Variants in KIF11 observed in about 807,000 individuals in gnomAD.
KIF11 encodes kinesin-like protein KIF11.
KIF11 carries 9 observed loss-of-function variants against 121.0 expected under a neutral mutation model. That is an observed-to-expected ratio of 0.07 (90% CI 0.04 to 0.13). KIF11 has a LOEUF of 0.13. Ranked by LOEUF, KIF11 falls within the 10% of genes least tolerant of loss-of-function variation. KIF11 has a pLI of 1.00. For synonymous variants in KIF11, 408 were observed against 421.0 expected (o/e 0.97, Z 0.38); for missense variants, 846 against 1,217.5 (o/e 0.69, Z 4.54).
At position 92,593,196 on chromosome 10, in the gene KIF11, G is replaced by C. The variant is rs775983910; in HGVS notation, c.-180G>C. 2.7e-5 allele frequency: 15 copies of C among 564,654 alleles called. No homozygotes were observed. Among genetic ancestry groups the C allele is most frequent in the Non-Finnish European group, 4.8e-5 (15 of 314,898 alleles). 35.0% of individuals were successfully genotyped at this position (564,654 alleles called of 1,614,324 possible). ...CGGCTCCGACTGGCGCGGGACAAAC[G>C]CCACGGCCAGAGTACCGGGTAGAGA... On this transcript the variant is annotated 5_prime_UTR_variant, in exon 1 of 22. Coordinates refer to ENST00000260731, the MANE Select transcript of KIF11 (RefSeq NM_004523.4).
At chr10:92,594,990 G>A (rs890525159) in intron 1 of KIF11, among the ~76,000 whole-genome samples, 2 of 152,060 alleles carry the variant, frequency 1.3e-5, no homozygotes, top group African/African-American at 2.4e-5. Flanking sequence ...GGGTTGGTAA[G>A]CCTTTTCTGT....
At position 92,653,343 on chromosome 10, in the gene KIF11, G is replaced by T. The variant is rs543342000; in HGVS notation, c.3040-322G>T. Among the ~76,000 whole-genome samples the T allele has an allele frequency of 9.9e-4, 151 of 152,306 alleles. 2 individuals are homozygous for T. Among genetic ancestry groups the T allele is most frequent in the African/African-American group, 3.5e-3 (145 of 41,564 alleles). On this transcript the variant is annotated intron_variant, in intron 21 of 21. Coordinates refer to ENST00000260731, the MANE Select transcript of KIF11 (RefSeq NM_004523.4). The stretch of plus-strand genomic sequence containing the variant: ...ATTGTAACACCAAAAAAGTCTCTCA[G>T]CATTGCCAAATGTCCCCTGTGGCAG...
At chr10:92,644,596 G>A (rs1844900310) in intron 17 of KIF11, among the ~76,000 whole-genome samples, 1 of 152,158 alleles carries the variant, frequency 6.6e-6, no homozygotes, top group Non-Finnish European at 1.5e-5. Flanking sequence ...TGGGATTAGA[G>A]GTGTGAGCCA....
rs1363219962 is a variant in KIF11, at chr10:92,650,326, A to G, written c.2923-75A>G. On this transcript the variant is annotated intron_variant, in intron 20 of 21. Coordinates refer to ENST00000260731, the MANE Select transcript of KIF11 (RefSeq NM_004523.4). ...TATTATACCATGGGCATTGTGTTAT[A>G]CTCAAAGCTGCTGTTACTCTTGTGA... 3 of 821,360 alleles carry G rather than the reference A, an allele frequency of 3.7e-6. No individual in the cohort carries two copies. The African/African-American group carries it at 5.1e-5, about 14-fold the overall frequency. The allele number at this position is 821,360 out of a possible 1,614,324, so 50.9% of individuals were successfully genotyped here.
intron 12 of KIF11, among the ~76,000 whole-genome samples, chr10:92,631,607 C>T (rs1366445186): frequency 6.6e-6 from 1 of 150,978 alleles, no homozygotes; most frequent in African/African-American, 2.4e-5. Flanking sequence ...ATGATCCACC[C>T]ACCTCGGCCT....
intron 9 of KIF11, among the ~76,000 whole-genome samples, chr10:92,617,874 G>A (rs997431909): frequency 1.3e-5 from 2 of 151,942 alleles, no homozygotes; most frequent in African/African-American, 2.4e-5. Flanking sequence ...CGAGTAGCTG[G>A]GACTACAGGT....
At chr10:92,607,124 T>C (rs774978955) in intron 3 of KIF11, 35 bp from the exon 4 acceptor site, 1 of 1,302,784 alleles carries the variant, frequency 7.7e-7, no homozygotes, top group South Asian at 1.2e-5. Context: ...TGGGTGCATG[T>C]TTCTTTTTGA....
At chr10:92,611,405 G>A (rs1019032553) in intron 6 of KIF11, among the ~76,000 whole-genome samples, 1 of 151,540 alleles carries the variant, frequency 6.6e-6, no homozygotes, top group African/African-American at 2.4e-5. Flanking sequence ...GTAGAGACGG[G>A]GTTTCACTGT....
chr10:92,604,287 C>T (rs181009040), intron 1 of KIF11, among the ~76,000 whole-genome samples: 2 of 152,280 alleles, frequency 1.3e-5, no homozygotes, highest in Non-Finnish European at 2.9e-5. Context: ...AATTTCCTAT[C>T]ACTTAGTCCT....
At chr10:92,652,716 C>T (rs971149578) in intron 21 of KIF11, among the ~76,000 whole-genome samples, 1 of 152,176 alleles carries the variant, frequency 6.6e-6, no homozygotes, top group Admixed American at 6.5e-5. Context: ...TACTTAATCC[C>T]TGGTCAGAAA....
chr10:92,649,191 T>A (rs1419596517), intron 19 of KIF11, among the ~76,000 whole-genome samples: 1 of 152,128 alleles, frequency 6.6e-6, no homozygotes, highest in Non-Finnish European at 1.5e-5. Context: ...GTTTATTTAT[T>A]CCCCAAGAGA....
chr10:92,633,345 T>G (rs1206856988), intron 13 of KIF11, among the ~76,000 whole-genome samples: 2 of 152,150 alleles, frequency 1.3e-5, no homozygotes, highest in Admixed American at 6.5e-5. Context: ...TATTTTTAGT[T>G]AGAGATTAAT....
chr10:92,631,409 C>T (rs187499936), intron 12 of KIF11, among the ~76,000 whole-genome samples: 15,828 of 144,224 alleles, frequency 0.11, 1,051 homozygotes, highest in South Asian at 0.17. Flanking sequence ...GGCCGGACTG[C>T]GGACTGCAGT....
intron 9 of KIF11, among the ~76,000 whole-genome samples, chr10:92,620,113 C>T (rs1325983002): frequency 8.4e-5 from 12 of 143,218 alleles, no homozygotes; most frequent in African/African-American, 3.1e-4. Context: ...CGGAGTCTCG[C>T]TCTGTTGCCC....
rs759542620 is a variant in KIF11 at position 92,609,501 on chromosome 10, A to G, written c.690A>G (p.Ala230=). The G allele has an allele frequency of 9.3e-6, 15 of 1,611,316 alleles. No homozygotes were observed. Among genetic ancestry groups the G allele is most frequent in the Non-Finnish European group, 1.2e-5 (14 of 1,179,164 alleles). ...CAACTGCAGCTACTCTGATGAATGC[A>G]TACTCTAGGTAAGAAAGCCATAGTC... The part of the protein sequence containing the change: ...KRTTAATLMN[A]YSSRSHSVFS... The change falls in exon 6 of 22, where the codon GCA becomes GCG. Residue 230 remains alanine (A), a synonymous_variant. Transcript: ENST00000260731.
At chr10:92,617,798 G>A (rs1349944124) in intron 9 of KIF11, among the ~76,000 whole-genome samples, 1 of 150,698 alleles carries the variant, frequency 6.6e-6, no homozygotes, top group Non-Finnish European at 1.5e-5. Flanking sequence ...GGAGTGCAGT[G>A]GCACGATCTT....
intron 14 of KIF11, among the ~76,000 whole-genome samples, chr10:92,635,606 C>G (rs1036587093): frequency 6.6e-6 from 1 of 152,110 alleles, no homozygotes; most frequent in African/African-American, 2.4e-5. Flanking sequence ...TCATTGATCA[C>G]AGTGTATAAT....
intron 6 of KIF11, among the ~76,000 whole-genome samples, chr10:92,609,724 G>A (rs1329451996): frequency 6.6e-6 from 1 of 152,000 alleles, no homozygotes; most frequent in Non-Finnish European, 1.5e-5. Context: ...TTGAACCATA[G>A]CTGAAGTATT....
rs766682219 is a variant in KIF11 at position 92,637,469 on chromosome 10, G to A, written c.2084G>A (p.Cys695Tyr). The part of the protein sequence containing the change: ...NLHELQENTI[C>Y]SLVESQKQCG... ...CATGAACTACAAGAAAATACCATTT[G>A]TTCCTTGGTTGAGTCACAAAAGCAA... Residue 695 changes from cysteine to tyrosine, a missense_variant, in exon 16 of 22, where the codon TGT (cysteine) becomes TAT (tyrosine). Coordinates refer to ENST00000260731, the MANE Select transcript of KIF11 (RefSeq NM_004523.4). 1.2e-6 allele frequency: 2 copies of A among 1,608,030 alleles called. No individual in the cohort carries two copies. Among genetic ancestry groups the A allele is most frequent in the East Asian group, 2.2e-5 (1 of 44,732 alleles).
Sources: allele counts gnomAD v4.1 joint callset (sites outside exome capture counted in the v4.1 genomes callset), GRCh38; gene constraint gnomAD v4.1.1; transcripts MANE v1.5; gene names NCBI Gene and HGNC (gene_info 2026-07-23, HGNC 2026-07-21).